The following WDR27 variants were observed in gnomAD, a reference collection of about 807,000 sequenced individuals.
The protein encoded by WDR27 is WD repeat domain 27.
WDR27 carries 100 observed loss-of-function variants against 114.4 expected under a neutral mutation model. That is an observed-to-expected ratio of 0.87 (90% CI 0.74 to 1.03). The LOEUF (loss-of-function observed/expected upper bound fraction) is 1.03, where lower values mean the gene tolerates loss of function less well. Among genes scored for constraint, WDR27 ranks in the 50% least tolerant of loss-of-function variants. The pLI is 0.00. For missense variants in WDR27, 1,129 were observed against 1,092.9 expected, an observed-to-expected ratio of 1.03 and a Z score of -0.47; for synonymous variants, 449 against 423.1, an observed-to-expected ratio of 1.06 and a Z score of -0.75.
At chr6:169,683,504 C>T (rs1648753149) in intron 2 of WDR27, among the ~76,000 whole-genome samples, 1 of 151,804 alleles carries the variant, frequency 6.6e-6, no homozygotes, top group Admixed American at 6.6e-5. Context: ...TGACTAGAGA[C>T]ACCTGGCACT....
At chr6:169,687,355 T>C (rs888589925) in intron 2 of WDR27, among the ~76,000 whole-genome samples, 2 of 152,010 alleles carry the variant, frequency 1.3e-5, no homozygotes, top group South Asian at 2.1e-4. Context: ...AAAGCCTATA[T>C]TTATAATATA....
chr6:169,689,506 G>T (rs182073189), intron 1 of WDR27, among the ~76,000 whole-genome samples: 1 of 152,258 alleles, frequency 6.6e-6, no homozygotes, highest in East Asian at 1.9e-4. Flanking sequence ...AACTAACCTG[G>T]GCTTGATTCA....
At chr6:169,517,648 G>C (rs1213614145) in intron 25 of WDR27, among the ~76,000 whole-genome samples, 1 of 152,186 alleles carries the variant, frequency 6.6e-6, no homozygotes, top group Non-Finnish European at 1.5e-5. Flanking sequence ...TTATAGGGAA[G>C]TTCTGGCAAC....
rs540243354 is a variant in WDR27 at position 169,560,110 on chromosome 6, T to G, written c.2645+12309A>C. Among the ~76,000 whole-genome samples, 9 of 152,254 alleles carry G rather than the reference T, an allele frequency of 5.9e-5. No individual in the cohort carries two copies. The South Asian group carries it at 1.9e-3, about 32-fold the overall frequency. On this transcript the variant is annotated intron_variant, in intron 25 of 25. Transcript: ENST00000448612. ...TCCACTTGAATCGTATCTCCCAGAA[T>G]TCCCACAAGTTGTGGGAGGGACCCA...
At chr6:169,700,850 C>T (rs182268711) in intron 1 of WDR27, among the ~76,000 whole-genome samples, 1 of 152,228 alleles carries the variant, frequency 6.6e-6, no homozygotes, top group African/African-American at 2.4e-5. Context: ...CCCTGCTGTG[C>T]CAACCCTAGG....
chr6:169,522,467 G>C (rs1337827311), intron 25 of WDR27, among the ~76,000 whole-genome samples: 1 of 151,850 alleles, frequency 6.6e-6, no homozygotes, highest in African/African-American at 2.4e-5. Context: ...TGACCAAATA[G>C]GCCTAAATGT....
At chr6:169,495,125 T>C (rs1014825439) in intron 25 of WDR27, among the ~76,000 whole-genome samples, 8 of 152,132 alleles carry the variant, frequency 5.3e-5, no homozygotes, top group African/African-American at 1.9e-4. Flanking sequence ...TGGTAGGTGA[T>C]AGATGGTAGA....
In WDR27 at chr6:169,664,240, G is replaced by A. The variant is rs773648071; in HGVS notation, c.830C>T (p.Ala277Val). The change falls in exon 8 of 26, where the codon GCA (alanine) becomes GTA (valine). Residue 277 changes from alanine to valine, a missense_variant. Ala to Val is a moderately conservative substitution (Grantham distance 64, BLOSUM62 0). Coordinates refer to ENST00000448612, the MANE Select transcript of WDR27 (RefSeq NM_182552.5). ...TGTCTTCTTCCTTAGGTCAACCCGT[G>A]CCACACGACGATAATGGTGTCCATC... ...LMDGHHYRRV[A>V]RVDLRKKTET... The A allele has an allele frequency of 1.9e-6, 3 of 1,613,638 alleles. No homozygotes were observed. Among genetic ancestry groups the A allele is most frequent in the African/African-American group, 1.3e-5 (1 of 74,904 alleles).
chr6:169,475,694 C>A (rs766395428), intron 25 of WDR27, among the ~76,000 whole-genome samples: 54 of 152,124 alleles, frequency 3.5e-4, no homozygotes, highest in Admixed American at 7.9e-4. Flanking sequence ...ATGTATCAAG[C>A]CTGAAAATAT....
chr6:169,685,689 G>A (rs1404126532), intron 2 of WDR27, among the ~76,000 whole-genome samples: 2 of 151,996 alleles, frequency 1.3e-5, no homozygotes, highest in African/African-American at 4.8e-5. Flanking sequence ...GAATAAAAAA[G>A]AATAAAGCCT....
At chr6:169,463,271 G>C (rs1489207773) in intron 25 of WDR27, among the ~76,000 whole-genome samples, 1 of 152,232 alleles carries the variant, frequency 6.6e-6, no homozygotes, top group African/African-American at 2.4e-5. Flanking sequence ...TTTGATATCA[G>C]CCACCAATCT....
chr6:169,511,457 C>T (rs1358137247), intron 25 of WDR27, among the ~76,000 whole-genome samples: 1 of 152,122 alleles, frequency 6.6e-6, no homozygotes, highest in East Asian at 1.9e-4. Flanking sequence ...TTAGGGAATG[C>T]TAACTTTGAA....
chr6:169,484,309 TAAAC>T (rs1461501020), intron 25 of WDR27, among the ~76,000 whole-genome samples: 8 of 152,214 alleles, frequency 5.3e-5, no homozygotes, highest in African/African-American at 1.9e-4. Context: ...CTTGATCTGA[TAAAC>T]AACGTCAGCA....
chr6:169,538,403 A>G (rs890659009), intron 25 of WDR27, among the ~76,000 whole-genome samples: 3 of 152,110 alleles, frequency 2.0e-5, no homozygotes, highest in East Asian at 3.9e-4. Context: ...GAAACTTCCA[A>G]CCGTGCGACA....
intron 25 of WDR27, chr6:169,559,710 C>CTT (rs1562582953): frequency 1.3e-5 from 2 of 152,200 alleles, no homozygotes; most frequent in African/African-American, 4.8e-5. Flanking sequence ...TACAGCTCAC[C>CTT]CCGCTTTTCT....
At chr6:169,565,863 T>G (rs76113740) in intron 25 of WDR27, among the ~76,000 whole-genome samples, 43 of 152,316 alleles carry the variant, frequency 2.8e-4, no homozygotes, top group African/African-American at 9.9e-4. Context: ...TTGCCCAGAC[T>G]GCTCTCCTGG....
At chr6:169,662,508 T>C in intron 8 of WDR27, 84 bp from the exon 9 acceptor site, 1 of 1,538,768 alleles carries the variant, frequency 6.5e-7, no homozygotes, top group Non-Finnish European at 8.8e-7. Context: ...CACACAGAGA[T>C]GCTGCAGTGA....
Position 169,667,978 on chromosome 6 carries a change from T to C in WDR27, c.660+4A>G. ...GGGAACGCCATCCAGCGTCCATCCC[T>C]CACCTTAAAGCCTCTGTCCTCAGAC... On this transcript the variant is annotated splice_donor_region_variant and intron_variant, in intron 5 of 25. Coordinates refer to ENST00000448612, the MANE Select transcript of WDR27 (RefSeq NM_182552.5). The C allele has an allele frequency of 6.2e-7, 1 of 1,611,494 alleles. No individual in the cohort carries two copies. Among genetic ancestry groups the C allele is most frequent in the South Asian group, 1.1e-5 (1 of 90,740 alleles).
At chr6:169,641,631 G>A (rs1169819153) in intron 17 of WDR27, among the ~76,000 whole-genome samples, 3 of 152,198 alleles carry the variant, frequency 2.0e-5, no homozygotes, top group Non-Finnish European at 4.4e-5. Flanking sequence ...GGCAGTCCCC[G>A]CTCCGAGAAG....
Sources: allele counts gnomAD v4.1 joint callset (sites outside exome capture counted in the v4.1 genomes callset), GRCh38; gene constraint gnomAD v4.1.1; transcripts MANE v1.5; gene names NCBI Gene and HGNC (gene_info 2026-07-23, HGNC 2026-07-21).